The following SHANK2 variants were observed in gnomAD, a reference collection of about 807,000 sequenced individuals.
The protein encoded by SHANK2 is SH3 and multiple ankyrin repeat domains 2.
SHANK2 carries 43 observed loss-of-function variants against 133.7 expected under a neutral mutation model. The observed-to-expected ratio is 0.32, with a 90% CI of 0.25 to 0.41. SHANK2 has a LOEUF of 0.41. Ranked by LOEUF, SHANK2 falls within the 10% of genes least tolerant of loss-of-function variation. The pLI, the probability that SHANK2 is intolerant of heterozygous loss-of-function variation, is 1.00. For missense variants in SHANK2, 1,994 were observed against 2,235.8 expected (o/e 0.89, Z 2.18); for synonymous variants, 1,017 against 952.8 (o/e 1.07, Z -1.24).
At chr11:71,140,649 G>T (rs1191170484) in intron 3 of SHANK2, among the ~76,000 whole-genome samples, 1 of 152,202 alleles carries the variant, frequency 6.6e-6, no homozygotes, top group Non-Finnish European at 1.5e-5. Flanking sequence ...AACAGTAATG[G>T]GCCCCTTGTG....
At chr11:71,090,623 CTCTG>C (rs1284357626) in intron 8 of SHANK2, among the ~76,000 whole-genome samples, 1 of 96,412 alleles carries the variant, frequency 1.0e-5, no homozygotes, top group Admixed American at 9.9e-5. Context: ...GAAACACAAC[CTCTG>C]TGTGTGTGTG....
chr11:70,763,750 G>A (rs1947045884), intron 14 of SHANK2, among the ~76,000 whole-genome samples: 1 of 152,136 alleles, frequency 6.6e-6, no homozygotes, highest in Non-Finnish European at 1.5e-5. Flanking sequence ...TTTGACAGGA[G>A]GGTGTCACCC....
intron 2 of SHANK2, among the ~76,000 whole-genome samples, chr11:71,159,044 T>A (rs535326246): frequency 6.6e-6 from 1 of 152,348 alleles, no homozygotes; most frequent in East Asian, 1.9e-4. Flanking sequence ...GGCTTCTCAA[T>A]AAATGCTGCT....
chr11:70,929,202 C>G (rs1565411558), intron 10 of SHANK2, among the ~76,000 whole-genome samples: 1 of 152,180 alleles, frequency 6.6e-6, no homozygotes, highest in Non-Finnish European at 1.5e-5. Flanking sequence ...GCAGAAATAT[C>G]TGAGGGGTAG....
At chr11:70,917,672 C>A (rs185721431) in intron 10 of SHANK2, among the ~76,000 whole-genome samples, 2 of 152,276 alleles carry the variant, frequency 1.3e-5, no homozygotes, top group Admixed American at 6.5e-5. Context: ...TACTACGCAG[C>A]CATAAAAAAG....
rs1481948870 is a variant in SHANK2 at position 70,795,496 on chromosome 11, C to T, written c.1777+2947G>A. 2.0e-5 allele frequency among the ~76,000 whole-genome samples: 3 copies of T among 148,870 alleles called. No individual in the cohort carries two copies. In the East Asian group the frequency reaches 6.0e-4, roughly 30 times the overall value. ...TCTCAGCTCACTGCAACCTCCGCCT[C>T]CCAGGTTCAAGCAATTTTCCTGCCT... is the stretch of plus-strand genomic sequence containing the variant. On this transcript the variant is annotated intron_variant, in intron 14 of 25. Coordinates refer to ENST00000601538, the MANE Select transcript of SHANK2 (RefSeq NM_012309.5).
In SHANK2 at chr11:70,807,216, A is replaced by G. The variant is rs936759386; in HGVS notation, c.1494-45T>C. ...CAGAGAGAGAGAGAGCAGAGTCACA[A>G]GGTCACAAGCCACATGCCACAAACC... On this transcript the variant is annotated intron_variant, in intron 12 of 25. Transcript: ENST00000601538. The surrounding 1 kb of genome is among the most constrained non-coding windows in gnomAD (Gnocchi z 4.8). 1 of 702,676 alleles carries G rather than the reference A, an allele frequency of 1.4e-6. No individual in the cohort carries two copies. Among genetic ancestry groups the G allele is most frequent in the Non-Finnish European group, 2.6e-6 (1 of 382,140 alleles). The allele number at this position is 702,676 out of a possible 1,614,324, so 43.5% of individuals were successfully genotyped here. A position where few individuals can be genotyped will look rare whatever the true frequency, so the allele number is the denominator to read the frequency against.
At position 70,828,459 on chromosome 11, in the gene SHANK2, G is replaced by A. The variant is rs115718195; in HGVS notation, c.1175-7777C>T. ...TTTCTAAGACTTGCATTAAGAAACG[G>A]TTCTGAGGTCAGAGCCACCAGTGTG... On this transcript the variant is annotated intron_variant, in intron 11 of 25. Transcript: ENST00000601538. Among the ~76,000 whole-genome samples the A allele has an allele frequency of 7.2e-3, 1,100 of 152,318 alleles. 14 individuals carry two copies. The highest frequency in any genetic ancestry group is 0.024 in the African/African-American group (977 of 41,570).
intron 11 of SHANK2, 27 bp from the exon 12 acceptor site, chr11:70,820,709 C>T (rs782140040): frequency 4.4e-5 from 28 of 640,724 alleles, no homozygotes; most frequent in Non-Finnish European, 6.9e-5. Flanking sequence ...GGAGAGAGGC[C>T]GGTGAGTGCA....
At chr11:70,648,266 A>G (rs1396464062) in intron 17 of SHANK2, among the ~76,000 whole-genome samples, 1 of 152,140 alleles carries the variant, frequency 6.6e-6, no homozygotes, top group Non-Finnish European at 1.5e-5. Context: ...GTGAGTGCTA[A>G]TGGGTTTGAT....
intron 14 of SHANK2, among the ~76,000 whole-genome samples, chr11:70,756,410 A>G (rs1375405049): frequency 3.9e-5 from 6 of 152,206 alleles, no homozygotes; most frequent in African/African-American, 1.4e-4. Flanking sequence ...AGGGATAGAC[A>G]GGAGGTGAAC....
rs185287397 is a variant in SHANK2, at chr11:70,701,726, A to T, written c.1778-2963T>A. Among the ~76,000 whole-genome samples the T allele has an allele frequency of 1.7e-3, 256 of 152,254 alleles. 4 individuals are homozygous for T. The highest frequency in any genetic ancestry group is 5.9e-3 in the African/African-American group (243 of 41,538). ...GCCAGAAAAAGAAGCCTTTAAAAGG[A>T]CATTATCTCTGACTGCTTCATGCAG... On this transcript the variant is annotated intron_variant, in intron 14 of 25. Transcript: ENST00000601538.
intron 14 of SHANK2, among the ~76,000 whole-genome samples, chr11:70,715,941 G>A (rs1161388044): frequency 1.3e-5 from 2 of 152,222 alleles, no homozygotes; most frequent in Non-Finnish European, 2.9e-5. Context: ...TGGGCCCAGA[G>A]GGGAGCAGAG....
intron 10 of SHANK2, among the ~76,000 whole-genome samples, chr11:70,951,443 T>G (rs58687924): frequency 1.5e-5 from 2 of 129,156 alleles, no homozygotes; most frequent in Admixed American, 7.2e-5. Flanking sequence ...CTGGCTGCTG[T>G]GTGGTGATGT....
intron 3 of SHANK2, among the ~76,000 whole-genome samples, chr11:71,119,578 C>CAAAAAAAAAAAAAAAA (rs55759811): frequency 3.1e-4 from 41 of 134,424 alleles, no homozygotes; most frequent in African/African-American, 1.2e-3. Context: ...GACTCCATCT[C>CAAAAAAAAAAAAAAAA]AAAAAAAAAA....
intron 17 of SHANK2, among the ~76,000 whole-genome samples, chr11:70,645,641 A>C (rs2061249893): frequency 6.6e-6 from 1 of 152,084 alleles, no homozygotes; most frequent in Non-Finnish European, 1.5e-5. Context: ...ATATGTCACG[A>C]ATTGGAGGCA....
At chr11:71,083,582 G>T (rs1951329952) in intron 8 of SHANK2, among the ~76,000 whole-genome samples, 1 of 152,152 alleles carries the variant, frequency 6.6e-6, no homozygotes, top group Non-Finnish European at 1.5e-5. Context: ...ACAGCATGAG[G>T]AGAGTCCCTC....
rs868928603 is a variant in SHANK2 at position 71,139,357 on chromosome 11, T to G, written c.207+7763A>C. Reference sequence around the variant, plus strand: ...TGGCATTCACTGTGGATTAAAGGGGTAGGGGGAGGGGGGAGGGATAGCATT... The same window carrying G: ...TGGCATTCACTGTGGATTAAAGGGGGAGGGGGAGGGGGGAGGGATAGCATT... On this transcript the variant is annotated intron_variant, in intron 3 of 25. Coordinates refer to ENST00000601538, the MANE Select transcript of SHANK2 (RefSeq NM_012309.5). 4.9e-3 allele frequency among the ~76,000 whole-genome samples: 348 copies of G among 70,432 alleles called. 1 individual carries two copies. Among genetic ancestry groups the G allele is most frequent in the African/African-American group, 0.018 (314 of 17,640 alleles). 46.2% of individuals were successfully genotyped at this position (70,432 alleles called of 152,430 possible). A position where few individuals can be genotyped will look rare whatever the true frequency, so the allele number is the denominator to read the frequency against.
intron 2 of SHANK2, among the ~76,000 whole-genome samples, chr11:71,198,919 C>T (rs1953966457): frequency 6.6e-6 from 1 of 152,152 alleles, no homozygotes; most frequent in Non-Finnish European, 1.5e-5. Flanking sequence ...GCCTGTGATG[C>T]TCGGCCCAGC....
Sources: gnomAD v4.1 joint callset for allele counts (sites outside exome capture counted in the v4.1 genomes callset) on GRCh38, gnomAD v4.1.1 for gene constraint, Gnocchi (gnomAD v3.1) non-coding constraint, MANE v1.5 for transcripts, NCBI Gene and HGNC (gene_info 2026-07-23, HGNC 2026-07-21) for gene names.